Variants in CYP3A43 observed in about 807,000 individuals in gnomAD.
CYP3A43 encodes the protein cytochrome P450 3A43.
Under a neutral mutation model 58.0 loss-of-function variants are expected in CYP3A43, and 45 were observed. That is an observed-to-expected ratio of 0.78 (90% CI 0.61 to 0.99). The LOEUF (loss-of-function observed/expected upper bound fraction) is 0.99, where lower values mean the gene tolerates loss of function less well. CYP3A43 is among the 50% of genes least tolerant of loss of function. CYP3A43 has a pLI of 0.00. For synonymous variants in CYP3A43, 191 were observed against 201.4 expected (o/e 0.95, Z 0.44); for missense variants, 593 against 591.9 (o/e 1.00, Z -0.02).
chr7:99,848,206 G>A lies in CYP3A43; in HGVS notation c.473G>A (p.Arg158Lys). ...TCCCAATGTGGAGATATGTTGGTGA[G>A]AAGCCTGAGGCAGGAAGCAGAGAAC... is the stretch of plus-strand genomic sequence containing the variant. ...IISQCGDMLV[R>K]SLRQEAENSK... is the part of the protein sequence containing the mutation. Residue 158 changes from arginine to lysine, a missense_variant, in exon 6 of 13, where the codon AGA becomes AAA. Coordinates refer to ENST00000354829, the MANE Select transcript of CYP3A43 (RefSeq NM_057095.3). 5.0e-6 allele frequency: 8 copies of A among 1,614,194 alleles called. No homozygotes were observed. Among genetic ancestry groups the A allele is most frequent in the Non-Finnish European group, 5.9e-6 (7 of 1,180,024 alleles).
chr7:99,834,289 C>A (rs1816973024), intron 1 of CYP3A43, among the ~76,000 whole-genome samples: 1 of 152,078 alleles, frequency 6.6e-6, no homozygotes. Context: ...CTTTCTTGCA[C>A]CTAGGTAGCT....
rs1489838759 is a variant in CYP3A43 at position 99,828,067 on chromosome 7, AC to A, written c.-48del. On this transcript the variant is annotated 5_prime_UTR_variant, in exon 1 of 13. An upstream open reading frame in the 5' UTR gains an earlier in-frame stop. Transcript: ENST00000354829. The stretch of plus-strand genomic sequence containing the variant: ...TGCACAGCCCAGCAAAGAGCAGCAC[AC>A]AGCTGAAAGAAAAACTCAGAAGACA... 1 of 1,488,542 alleles carries A rather than the reference AC, an allele frequency of 6.7e-7. No individual in the cohort carries two copies. The highest frequency in any genetic ancestry group is 9.4e-7 in the Non-Finnish European group (1 of 1,068,590). 92.2% of individuals were successfully genotyped at this position (1,488,542 alleles called of 1,614,324 possible). A position where few individuals can be genotyped will look rare whatever the true frequency, so the allele number is the denominator to read the frequency against.
chr7:99,861,599 TTC>T lies in CYP3A43; in HGVS notation c.1027-12_1027-11del, dbSNP rs1818235837. On this transcript the variant is annotated splice_polypyrimidine_tract_variant and intron_variant, in intron 10 of 12. Coordinates refer to ENST00000354829, the MANE Select transcript of CYP3A43 (RefSeq NM_057095.3). ...CCAATCTCAATTTATCCAAATCTGTTTCTTTCTTCCCAGGCACCTGTCACCTA... is the reference window on the plus strand; with the variant it reads ...CCAATCTCAATTTATCCAAATCTGTTTTTCTTCCCAGGCACCTGTCACCTA... 1 of 1,610,718 alleles carries T rather than the reference TTC, an allele frequency of 6.2e-7. No individual in the cohort carries two copies. The highest frequency in any genetic ancestry group is 1.3e-5 in the African/African-American group (1 of 75,016).
At chr7:99,854,221 T>C (rs1817884916) in intron 7 of CYP3A43, among the ~76,000 whole-genome samples, 1 of 146,520 alleles carries the variant, frequency 6.8e-6, no homozygotes, top group African/African-American at 2.8e-5. Context: ...AGTTTTGAGT[T>C]TTGATAATTT....
rs558962186 is a variant in CYP3A43, at chr7:99,828,018, T to C, written c.-98T>C. On this transcript the variant is annotated 5_prime_UTR_variant, in exon 1 of 13. Coordinates refer to ENST00000354829, the MANE Select transcript of CYP3A43 (RefSeq NM_057095.3). ...CTGTTAACATTAACTAAATCACCTC[T>C]GGGCAGAGAAACAAAGCTCTATATG... The C allele has an allele frequency of 3.5e-4, 321 of 928,392 alleles. 2 individuals are homozygous for C. The South Asian group carries it at 5.4e-3, about 16-fold the overall frequency. 57.5% of individuals were successfully genotyped at this position (928,392 alleles called of 1,614,324 possible).
At chr7:99,845,689 C>T (rs769208336) in intron 4 of CYP3A43, among the ~76,000 whole-genome samples, 4 of 152,144 alleles carry the variant, frequency 2.6e-5, no homozygotes, top group African/African-American at 7.2e-5. Flanking sequence ...ACCAGTACCA[C>T]ATTGTGGTGA....
At chr7:99,852,430 G>A (rs980240946) in intron 7 of CYP3A43, among the ~76,000 whole-genome samples, 3 of 152,046 alleles carry the variant, frequency 2.0e-5, no homozygotes, top group East Asian at 1.9e-4. Context: ...CTGTGAACAC[G>A]GGGTGGTGAT....
chr7:99,849,651 G>A lies in CYP3A43; in HGVS notation c.627G>A (p.Lys209=). ...ATCCCTTTCTGAAAAATATGAAGAA[G>A]CTTTTAAAATTGGATTTTTTGGATC... ...PQDPFLKNMK[K]LLKLDFLDPF... The change falls in exon 7 of 13, where the codon AAG becomes AAA. Residue 209 remains lysine, a synonymous_variant. Transcript: ENST00000354829. The A allele has an allele frequency of 6.2e-7, 1 of 1,610,584 alleles. No homozygotes were observed. The highest frequency in any genetic ancestry group is 1.1e-5 in the South Asian group (1 of 90,024).
chr7:99,853,403 A>T (rs986020735), intron 7 of CYP3A43, among the ~76,000 whole-genome samples: 1 of 152,204 alleles, frequency 6.6e-6, no homozygotes, highest in African/African-American at 2.4e-5. Flanking sequence ...TTGTTAAGAG[A>T]ATATCCTTAT....
chr7:99,832,593 T>C (rs1451600741), intron 1 of CYP3A43, among the ~76,000 whole-genome samples: 3 of 150,004 alleles, frequency 2.0e-5, no homozygotes, highest in African/African-American at 7.4e-5. Flanking sequence ...TAATGCTAAA[T>C]GATGAGTTAA....
At chr7:99,859,672 G>A (rs1328584594) in intron 9 of CYP3A43, among the ~76,000 whole-genome samples, 158 bp from the exon 10 acceptor site, 1 of 152,170 alleles carries the variant, frequency 6.6e-6, no homozygotes, top group Non-Finnish European at 1.5e-5. Flanking sequence ...TGGCTCTGTA[G>A]GATACACATC....
intron 7 of CYP3A43, among the ~76,000 whole-genome samples, chr7:99,853,156 T>G (rs923098587): frequency 6.6e-6 from 1 of 152,184 alleles, no homozygotes; most frequent in African/African-American, 2.4e-5. Context: ...TTTTTGAAAG[T>G]GTTTGTAGAA....
chr7:99,855,864 T>A (rs548408224), intron 8 of CYP3A43, 146 bp downstream of exon 8: 8 of 921,190 alleles, frequency 8.7e-6, no homozygotes, highest in East Asian at 8.2e-5. Flanking sequence ...TTGCTGGGAA[T>A]AAAGAAGGTG....
At chr7:99,844,535 T>C (rs1019198122) in intron 4 of CYP3A43, among the ~76,000 whole-genome samples, 5 of 152,222 alleles carry the variant, frequency 3.3e-5, no homozygotes, top group Non-Finnish European at 5.9e-5. Context: ...ATGTGTATAA[T>C]TGCATGACTA....
intron 2 of CYP3A43, 72 bp downstream of exon 2, chr7:99,836,618 T>A: frequency 8.7e-7 from 1 of 1,155,446 alleles, no homozygotes. Flanking sequence ...TCAGTAAAAA[T>A]GCTCCTCCTC....
intron 2 of CYP3A43, among the ~76,000 whole-genome samples, chr7:99,838,385 G>A (rs1173333097): frequency 6.6e-6 from 1 of 152,212 alleles, no homozygotes; most frequent in Non-Finnish European, 1.5e-5. Context: ...TGAGATAAAT[G>A]AAAAGGATGC....
chr7:99,846,483 G>C (rs180933150), intron 4 of CYP3A43, among the ~76,000 whole-genome samples: 42 of 152,220 alleles, frequency 2.8e-4, no homozygotes, highest in African/African-American at 1.0e-3. Flanking sequence ...AAGTCTTTTT[G>C]TATATTCCTA....
intron 7 of CYP3A43, among the ~76,000 whole-genome samples, chr7:99,854,084 C>A (rs1197935358): frequency 6.6e-6 from 1 of 152,124 alleles, no homozygotes. Context: ...CTCTGTTGTG[C>A]TATCAAACCA....
intron 8 of CYP3A43, 41 bp downstream of exon 8, chr7:99,855,759 T>TA (rs774228611): frequency 5.1e-6 from 8 of 1,553,438 alleles, no homozygotes; most frequent in Non-Finnish European, 7.0e-6. Context: ...TTCACTTTTT[T>TA]ATTATATTTT....
Sources: gnomAD v4.1 joint callset for allele counts (sites outside exome capture counted in the v4.1 genomes callset) on GRCh38, gnomAD v4.1.1 for gene constraint, MANE v1.5 for transcripts, NCBI Gene and HGNC (gene_info 2026-07-23, HGNC 2026-07-21) for gene names.